Variants in SLMAP observed in about 807,000 individuals in gnomAD.
SLMAP encodes sarcolemma associated protein, also known as sarcolemmal membrane-associated protein.
SLMAP carries 44 observed loss-of-function variants against 128.8 expected under a neutral mutation model. The ratio of observed to expected loss-of-function variants is 0.34; its 90% CI spans 0.27 to 0.44. The LOEUF (loss-of-function observed/expected upper bound fraction) is 0.44, where lower values mean the gene tolerates loss of function less well. SLMAP is among the 20% of genes least tolerant of loss of function. The pLI is 1.00. For synonymous variants in SLMAP, 327 were observed against 348.8 expected (o/e 0.94, Z 0.70); for missense variants, 787 against 985.3 (o/e 0.80, Z 2.69).
At chr3:57,794,543 T>TTCATC (rs1440096415) in intron 2 of SLMAP, among the ~76,000 whole-genome samples, 1 of 152,178 alleles carries the variant, frequency 6.6e-6, no homozygotes, top group Non-Finnish European at 1.5e-5. Flanking sequence ...CTAGAACATT[T>TTCATC]TCATCACTCC....
intron 15 of SLMAP, among the ~76,000 whole-genome samples, chr3:57,893,982 G>A (rs2096169769): frequency 6.6e-6 from 1 of 152,134 alleles, no homozygotes. Context: ...CACAAGTTAA[G>A]CCACAAATTC....
At position 57,925,780 on chromosome 3, in the gene SLMAP, C is replaced by G. The variant is rs1464350170; in HGVS notation, c.2446-65C>G. The G allele has an allele frequency of 3.4e-6, 4 of 1,169,166 alleles. No individual in the cohort carries two copies. In the African/African-American group the frequency reaches 6.1e-5, roughly 18 times the overall value. 72.4% of individuals were successfully genotyped at this position (1,169,166 alleles called of 1,614,324 possible). On this transcript the variant is annotated intron_variant, in intron 23 of 24. Coordinates refer to ENST00000671191, the MANE Select transcript of SLMAP (RefSeq NM_001377540.1). The stretch of plus-strand genomic sequence containing the variant: ...TTCCTACCTCCCACCCTACTGGGGT[C>G]TGAATCCTCTTATCTGATTACTTTC...
intron 17 of SLMAP, among the ~76,000 whole-genome samples, chr3:57,903,332 C>T (rs1302452425): frequency 6.6e-6 from 1 of 152,202 alleles, no homozygotes; most frequent in Non-Finnish European, 1.5e-5. Context: ...AATGACTAGA[C>T]ATTCTAAAGA....
At chr3:57,900,467 C>G (rs1478737486) in intron 17 of SLMAP, 1 of 152,184 alleles carries the variant, frequency 6.6e-6, no homozygotes, top group African/African-American at 2.4e-5. Flanking sequence ...ATGTCTGTTG[C>G]AAATTTGCTC....
intron 17 of SLMAP, chr3:57,898,463 G>A (rs189627080): frequency 6.6e-6 from 1 of 152,094 alleles, no homozygotes; most frequent in African/African-American, 2.4e-5. Context: ...CTTTTTGTAG[G>A]TACATAGTAG....
intron 2 of SLMAP, among the ~76,000 whole-genome samples, chr3:57,818,367 C>T (rs1377061715): frequency 6.6e-6 from 1 of 152,148 alleles, no homozygotes; most frequent in Non-Finnish European, 1.5e-5. Context: ...GTTGGTCAGG[C>T]TGGTCTCGAA....
intron 2 of SLMAP, among the ~76,000 whole-genome samples, chr3:57,799,881 G>A (rs1320354435): frequency 6.6e-6 from 1 of 152,066 alleles, no homozygotes; most frequent in Non-Finnish European, 1.5e-5. Flanking sequence ...TTCCATTGAG[G>A]CATAATAGTA....
rs1188064476 is a variant in SLMAP at position 57,889,711 on chromosome 3, A to C, written c.1301-330A>C. 2.0e-5 allele frequency among the ~76,000 whole-genome samples: 3 copies of C among 152,198 alleles called. No homozygotes were observed. In the East Asian group the frequency reaches 5.8e-4, roughly 29 times the overall value. On this transcript the variant is annotated intron_variant, in intron 14 of 24. Transcript: ENST00000671191. Reference sequence around the variant, plus strand: ...TTCATTTGAATAAATACCTTTTCATAAATCTTTTATTTTAACTTAATAGCC... The same window carrying C: ...TTCATTTGAATAAATACCTTTTCATCAATCTTTTATTTTAACTTAATAGCC...
intron 14 of SLMAP, among the ~76,000 whole-genome samples, chr3:57,878,175 G>T (rs1055708323): frequency 6.6e-6 from 1 of 152,002 alleles, no homozygotes; most frequent in African/African-American, 2.4e-5. Flanking sequence ...ATAGCTTCTG[G>T]AACTGTTTTT....
intron 15 of SLMAP, among the ~76,000 whole-genome samples, chr3:57,893,894 G>A (rs568038252): frequency 6.5e-4 from 99 of 152,226 alleles, no homozygotes; most frequent in African/African-American, 2.2e-3. Context: ...TAAGTTCCCC[G>A]TCACTAAGCA....
At chr3:57,779,233 C>T (rs1055119602) in intron 2 of SLMAP, among the ~76,000 whole-genome samples, 3 of 152,028 alleles carry the variant, frequency 2.0e-5, no homozygotes, top group Admixed American at 6.5e-5. Flanking sequence ...ATCAGTTGGG[C>T]GCAGTGGCTC....
chr3:57,824,072 G>A (rs6777249), intron 2 of SLMAP, among the ~76,000 whole-genome samples: 1,930 of 152,088 alleles, frequency 0.013, 28 homozygotes, highest in African/African-American at 0.044. Context: ...AAGAACTAAA[G>A]GAAATCAGGA....
intron 14 of SLMAP, among the ~76,000 whole-genome samples, chr3:57,874,567 GAAAA>G (rs869191947): frequency 7.4e-6 from 1 of 134,790 alleles, no homozygotes; most frequent in East Asian, 2.1e-4. Context: ...TGGGGAAAAA[GAAAA>G]AAAAAAAAGC....
intron 8 of SLMAP, among the ~76,000 whole-genome samples, chr3:57,860,121 A>G (rs190230804): frequency 1.3e-5 from 2 of 152,178 alleles, no homozygotes; most frequent in East Asian, 1.9e-4. Flanking sequence ...GGCTCACGCA[A>G]TCCTCCCATC....
At chr3:57,880,467 T>A (rs1368068065) in intron 14 of SLMAP, among the ~76,000 whole-genome samples, 5 of 151,936 alleles carry the variant, frequency 3.3e-5, no homozygotes, top group Admixed American at 3.3e-4. Flanking sequence ...CCTCCCAAAG[T>A]GTGGGGATTA....
chr3:57,874,079 C>CA (rs1376875081), intron 14 of SLMAP, among the ~76,000 whole-genome samples: 3 of 152,110 alleles, frequency 2.0e-5, no homozygotes, highest in African/African-American at 7.2e-5. Context: ...GCCAAGATCG[C>CA]ACCACTGCAC....
chr3:57,859,003 A>G (rs533272198), intron 8 of SLMAP, among the ~76,000 whole-genome samples: 4 of 152,206 alleles, frequency 2.6e-5, no homozygotes, highest in Non-Finnish European at 5.9e-5. Context: ...TTATTCCTTC[A>G]CTTATTTAGC....
intron 2 of SLMAP, among the ~76,000 whole-genome samples, chr3:57,771,254 T>C (rs1381895080): frequency 6.8e-6 from 1 of 147,912 alleles, no homozygotes; most frequent in African/African-American, 2.5e-5. Context: ...GGAGAGAGAC[T>C]TACTCTGTCA....
chr3:57,776,902 T>G (rs2082064757), intron 2 of SLMAP, among the ~76,000 whole-genome samples: 1 of 152,112 alleles, frequency 6.6e-6, no homozygotes, highest in African/African-American at 2.4e-5. Flanking sequence ...TATATGGTTC[T>G]GGGTAAATTA....
Sources: allele counts gnomAD v4.1 joint callset (sites outside exome capture counted in the v4.1 genomes callset), GRCh38; gene constraint gnomAD v4.1.1; transcripts MANE v1.5; gene names NCBI Gene and HGNC (gene_info 2026-07-23, HGNC 2026-07-21).